EYA2: variants seen among roughly 807,000 people sequenced by gnomAD.
EYA2 encodes the protein EYA transcriptional coactivator and phosphatase 2.
In EYA2, 31 loss-of-function variants were observed where a neutral mutation model predicts 69.2. The ratio of observed to expected loss-of-function variants is 0.45; its 90% CI spans 0.34 to 0.60. The LOEUF (loss-of-function observed/expected upper bound fraction) is 0.60. Among genes scored for constraint, EYA2 ranks in the 20% least tolerant of loss-of-function variants. The pLI is 0.02. For synonymous variants in EYA2, 257 were observed against 279.4 expected (o/e 0.92, Z 0.80); for missense variants, 622 against 701.2 (o/e 0.89, Z 1.28).
At chr20:47,089,597 G>C (rs371116205) in intron 8 of EYA2, among the ~76,000 whole-genome samples, 2 of 152,228 alleles carry the variant, frequency 1.3e-5, no homozygotes, top group South Asian at 4.1e-4. Context: ...GAATCACCTG[G>C]GGGGTGGGGG....
chr20:47,131,874 A>G (rs2033351028), intron 9 of EYA2, among the ~76,000 whole-genome samples: 1 of 152,244 alleles, frequency 6.6e-6, no homozygotes, highest in Admixed American at 6.5e-5. Flanking sequence ...ACATGTGTTT[A>G]TATTCATGGT....
At chr20:46,933,670 G>A (rs1218746024) in intron 1 of EYA2, among the ~76,000 whole-genome samples, 1 of 152,232 alleles carries the variant, frequency 6.6e-6, no homozygotes, top group African/African-American at 2.4e-5. Context: ...AACGAGGGAG[G>A]CCGATGAGAA....
At position 47,174,403 on chromosome 20, in the gene EYA2, A is replaced by C. The variant is rs115856075; in HGVS notation, c.1198+1536A>C. On this transcript the variant is annotated intron_variant, in intron 12 of 15. Transcript: ENST00000327619. ...ACTTCTGCTTCCCTGGATTATTGAGAGATTTATTGTTAGTGCATACAAAAG... is the reference window on the plus strand; with the variant it reads ...ACTTCTGCTTCCCTGGATTATTGAGCGATTTATTGTTAGTGCATACAAAAG... Among the ~76,000 whole-genome samples the C allele has an allele frequency of 9.5e-3, 1,453 of 152,284 alleles. 28 individuals are homozygous for C. The highest frequency in any genetic ancestry group is 0.033 in the African/African-American group (1,377 of 41,552).
At chr20:47,149,263 A>G (rs935258689) in intron 10 of EYA2, among the ~76,000 whole-genome samples, 2 of 152,144 alleles carry the variant, frequency 1.3e-5, no homozygotes. Flanking sequence ...TAACAAGCAA[A>G]GGTACCTATA....
At chr20:46,980,164 A>G (rs986167852) in intron 1 of EYA2, among the ~76,000 whole-genome samples, 10 of 152,214 alleles carry the variant, frequency 6.6e-5, no homozygotes, top group Admixed American at 4.6e-4. Flanking sequence ...TGACTCTACC[A>G]CTGACTAGCC....
intron 12 of EYA2, among the ~76,000 whole-genome samples, chr20:47,175,713 G>A (rs1285030080): frequency 6.6e-6 from 1 of 152,182 alleles, no homozygotes; most frequent in Non-Finnish European, 1.5e-5. Context: ...CAAAGTAGGG[G>A]TGGTTGGGCA....
rs1383458274 is a variant in EYA2, at chr20:46,988,049, A to G, written c.-10-1952A>G. Among the ~76,000 whole-genome samples the G allele has an allele frequency of 2.7e-5, 4 of 146,312 alleles. No individual in the cohort carries two copies. The East Asian group carries it at 8.0e-4, about 29-fold the overall frequency. On this transcript the variant is annotated intron_variant, in intron 1 of 15. Coordinates refer to ENST00000327619, the MANE Select transcript of EYA2 (RefSeq NM_005244.5). ...AATAATATATGTTTTAAAACAATGC[A>G]TATAACAACTGTTTACATAGTGTTT...
chr20:47,170,685 G>T (rs1346371259), intron 11 of EYA2, among the ~76,000 whole-genome samples: 1 of 151,644 alleles, frequency 6.6e-6, no homozygotes, highest in African/African-American at 2.4e-5. Context: ...CCAGAGGAAT[G>T]TGGGCTGGAA....
At position 47,123,292 on chromosome 20, in the gene EYA2, T is replaced by C. The variant is rs115539285; in HGVS notation, c.889-19767T>C. Among the ~76,000 whole-genome samples the C allele has an allele frequency of 9.2e-3, 1,395 of 152,332 alleles. 23 individuals carry two copies. The highest frequency in any genetic ancestry group is 0.032 in the African/African-American group (1,323 of 41,568). Reference sequence around the variant, plus strand: ...CACCATCGCAAACATTTCTCATTTCTTTGTGTTGGGAATGTTTAATATCCT... The same window carrying C: ...CACCATCGCAAACATTTCTCATTTCCTTGTGTTGGGAATGTTTAATATCCT... On this transcript the variant is annotated intron_variant, in intron 9 of 15. Coordinates refer to ENST00000327619, the MANE Select transcript of EYA2 (RefSeq NM_005244.5).
intron 7 of EYA2, among the ~76,000 whole-genome samples, chr20:47,078,327 G>GCACATACACACA (rs1249113834): frequency 1.3e-5 from 1 of 78,002 alleles, no homozygotes; most frequent in East Asian, 2.9e-4. Context: ...GTGCGCGCGC[G>GCACATACACACA]CGCGCACACA....
chr20:47,161,190 C>T (rs960739288), intron 10 of EYA2: 14 of 440,308 alleles, frequency 3.2e-5, no homozygotes, highest in African/African-American at 2.3e-4. Flanking sequence ...TTACAAGGGA[C>T]GGTGTGGGGC....
chr20:46,970,152 T>C (rs1980050345), intron 1 of EYA2, among the ~76,000 whole-genome samples: 1 of 152,246 alleles, frequency 6.6e-6, no homozygotes, highest in South Asian at 2.1e-4. Flanking sequence ...GAATCAGTTC[T>C]CAGATTGCCA....
At chr20:46,967,094 A>G (rs980478446) in intron 1 of EYA2, among the ~76,000 whole-genome samples, 2 of 152,148 alleles carry the variant, frequency 1.3e-5, no homozygotes, top group African/African-American at 4.8e-5. Context: ...CCAAGGTTCA[A>G]GTGATTCTCG....
chr20:46,955,126 G>A (rs1022008402), intron 1 of EYA2, among the ~76,000 whole-genome samples: 9 of 143,768 alleles, frequency 6.3e-5, no homozygotes, highest in Non-Finnish European at 9.1e-5. Context: ...TTCCACACTC[G>A]TTCATGCAGT....
At chr20:47,088,199 A>C (rs947968511) in intron 7 of EYA2, among the ~76,000 whole-genome samples, 5 of 152,192 alleles carry the variant, frequency 3.3e-5, no homozygotes, top group African/African-American at 1.2e-4. Context: ...ACGCCATTGC[A>C]CTCCAGCCTG....
At chr20:47,063,739 G>T (rs1229196124) in intron 5 of EYA2, among the ~76,000 whole-genome samples, 1 of 152,124 alleles carries the variant, frequency 6.6e-6, no homozygotes, top group Non-Finnish European at 1.5e-5. Context: ...TTTACTTAAG[G>T]TGTAACCAGA....
intron 9 of EYA2, among the ~76,000 whole-genome samples, chr20:47,135,590 C>T (rs1408403454): frequency 6.6e-6 from 1 of 151,804 alleles, no homozygotes; most frequent in East Asian, 1.9e-4. Context: ...AGGATGAAAT[C>T]GGCATGCCTT....
intron 12 of EYA2, 136 bp downstream of exon 12, chr20:47,173,003 A>G (rs1032822409): frequency 2.1e-6 from 2 of 945,356 alleles, no homozygotes; most frequent in East Asian, 2.7e-5. Flanking sequence ...AACCCTGACG[A>G]CACCCTTCGG....
chr20:46,932,334 C>T (rs1013087977), intron 1 of EYA2, among the ~76,000 whole-genome samples: 1 of 152,168 alleles, frequency 6.6e-6, no homozygotes, highest in African/African-American at 2.4e-5. Flanking sequence ...GCCACCACCT[C>T]TGCTCCCCCC....
Sources: gnomAD v4.1 joint callset for allele counts (sites outside exome capture counted in the v4.1 genomes callset) on GRCh38, gnomAD v4.1.1 for gene constraint, MANE v1.5 for transcripts, NCBI Gene and HGNC (gene_info 2026-07-23, HGNC 2026-07-21) for gene names.